The following TAF15 variants were observed in gnomAD, a reference collection of about 807,000 sequenced individuals.
The protein encoded by TAF15 is TATA-binding protein-associated factor 2N.
In TAF15, 37 loss-of-function variants were observed where a neutral mutation model predicts 102.5. The ratio of observed to expected loss-of-function variants is 0.36; its 90% CI spans 0.28 to 0.47. The LOEUF (loss-of-function observed/expected upper bound fraction) is 0.47, where lower values mean the gene tolerates loss of function less well. Ranked by LOEUF, TAF15 falls within the 20% of genes least tolerant of loss-of-function variation. TAF15 has a pLI of 0.99. For synonymous variants in TAF15, 273 were observed against 259.2 expected (o/e 1.05, Z -0.51); for missense variants, 652 against 760.7 (o/e 0.86, Z 1.68).
In TAF15 at chr17:35,822,344, C is replaced by CAA. The variant is rs909362495; in HGVS notation, c.291-279_291-278dup. 2.2e-3 allele frequency among the ~76,000 whole-genome samples: 147 copies of CAA among 67,484 alleles called. 1 individual carries two copies. Among genetic ancestry groups the CAA allele is most frequent in the African/African-American group, 6.0e-3 (126 of 20,990 alleles). The allele number at this position is 67,484 out of a possible 152,430, so 44.3% of individuals were successfully genotyped here. ...GGGCAACAAGAGTGAACCTCTGTCTCAAAAAAAAAAAAAAAAAAGTTCAAG... is the reference window on the plus strand; with the variant it reads ...GGGCAACAAGAGTGAACCTCTGTCTCAAAAAAAAAAAAAAAAAAAAGTTCAAG... On this transcript the variant is annotated intron_variant, in intron 5 of 15. Coordinates refer to ENST00000605844, the MANE Select transcript of TAF15 (RefSeq NM_139215.3).
At chr17:35,832,193 T>C (rs550774930) in intron 7 of TAF15, among the ~76,000 whole-genome samples, 9 of 152,348 alleles carry the variant, frequency 5.9e-5, no homozygotes, top group South Asian at 2.1e-4. Flanking sequence ...GGCAGTGATA[T>C]ACATGTCATT....
chr17:35,826,639 C>A (rs2087332161), intron 7 of TAF15, among the ~76,000 whole-genome samples: 1 of 151,016 alleles, frequency 6.6e-6, no homozygotes, highest in South Asian at 2.1e-4. Context: ...TTTACTGCAA[C>A]CTCCACCTCC....
intron 10 of TAF15, among the ~76,000 whole-genome samples, chr17:35,838,087 G>A (rs1343739683): frequency 6.6e-6 from 1 of 152,100 alleles, no homozygotes; most frequent in Non-Finnish European, 1.5e-5. Context: ...GGAGGCTGAG[G>A]TGGGAGGATC....
At chr17:35,842,970 C>G (rs1047445633) in intron 12 of TAF15, among the ~76,000 whole-genome samples, 8 of 151,930 alleles carry the variant, frequency 5.3e-5, no homozygotes, top group African/African-American at 1.7e-4. Context: ...ACCTCATGAT[C>G]CAGCCACCTT....
chr17:35,846,552 G>T (rs187080480), intron 15 of TAF15, among the ~76,000 whole-genome samples: 3 of 152,254 alleles, frequency 2.0e-5, no homozygotes, highest in Non-Finnish European at 2.9e-5. Context: ...ATAGTAAGTG[G>T]CAGATCCAGA....
intron 7 of TAF15, among the ~76,000 whole-genome samples, chr17:35,829,471 AAAT>A (rs1203250042): frequency 6.6e-6 from 1 of 151,138 alleles, no homozygotes; most frequent in African/African-American, 2.4e-5. Flanking sequence ...TCTCTACTAA[AAAT>A]ACAAAAAATT....
At chr17:35,840,735 G>A (rs190182292) in intron 11 of TAF15, among the ~76,000 whole-genome samples, 58 of 151,996 alleles carry the variant, frequency 3.8e-4, no homozygotes, top group Admixed American at 2.6e-3. Context: ...GCGGTGGTGA[G>A]CACCTGTAAT....
chr17:35,820,047 G>A lies in TAF15; in HGVS notation c.71G>A (p.Gly24Asp). Residue 24 changes from glycine (G) to aspartate (D), a missense_variant, in exon 3 of 16, where the codon GGC becomes GAC. Physicochemically the swap from Gly to Asp is moderately conservative, Grantham distance 94 (BLOSUM62 -1). This residue lies in a region of TAF15 where 243 missense variants were observed against 284.1 expected (regional missense o/e 0.86). Transcript: ENST00000605844. ...AGTTATTCTACCTATGGAAATCCAGGCAGCCAAGGCTATGGACAAGCATCA... is the reference window on the plus strand; with the variant it reads ...AGTTATTCTACCTATGGAAATCCAGACAGCCAAGGCTATGGACAAGCATCA... ...QQSYSTYGNP[G>D]SQGYGQASQS... The A allele has an allele frequency of 1.2e-6, 2 of 1,613,916 alleles. No homozygotes were observed. The highest frequency in any genetic ancestry group is 1.1e-5 in the South Asian group (1 of 91,058).
rs2087577030 is a variant in TAF15 at position 35,843,881 on chromosome 17, A to G, written c.1007-196A>G. Among the ~76,000 whole-genome samples the G allele has an allele frequency of 2.0e-5, 3 of 152,208 alleles. No homozygotes were observed. In the South Asian group the frequency reaches 6.2e-4, roughly 31 times the overall value. On this transcript the variant is annotated intron_variant, in intron 12 of 15. Transcript: ENST00000605844. ...ATTATTTGCACTGTGTTGTGTGCCT[A>G]GGGTCTGTTTTCAAGGTCCTCTGTT... is the stretch of plus-strand genomic sequence containing the variant.
At chr17:35,840,461 C>T (rs1175012354) in intron 11 of TAF15, among the ~76,000 whole-genome samples, 12 of 150,660 alleles carry the variant, frequency 8.0e-5, no homozygotes, top group Admixed American at 7.9e-4. Context: ...ACTGTGTTAG[C>T]CAGGATGGTC....
intron 11 of TAF15, among the ~76,000 whole-genome samples, chr17:35,840,732 T>G (rs1251365757): frequency 6.6e-6 from 1 of 151,816 alleles, no homozygotes; most frequent in East Asian, 2.0e-4. Context: ...GGCGCGGTGG[T>G]GAGCACCTGT....
chr17:35,834,740 CTTTTTTTTTTTT>C (rs533058888), intron 9 of TAF15, 142 bp downstream of exon 9: 4 of 236,412 alleles, frequency 1.7e-5, no homozygotes, highest in East Asian at 1.2e-4. Context: ...AGCTTTATTT[CTTTTTTTTTTTT>C]TTTTTTTTTT....
At chr17:35,820,281 A>G in intron 4 of TAF15, 33 bp downstream of exon 4, 1 of 1,613,832 alleles carries the variant, frequency 6.2e-7, no homozygotes, top group Non-Finnish European at 8.5e-7. Context: ...GTTGTTTCAG[A>G]GATTGAAAAA....
Position 35,841,406 on chromosome 17 carries a change from C to T in TAF15, c.914-961C>T, listed in dbSNP as rs181583316. The stretch of plus-strand genomic sequence containing the variant: ...ATATTCTACAGCTGGCTTTTTTTCC[C>T]ATGTAAAAATATTAGATACAGGTTT... On this transcript the variant is annotated intron_variant, in intron 11 of 15. Coordinates refer to ENST00000605844, the MANE Select transcript of TAF15 (RefSeq NM_139215.3). Among the ~76,000 whole-genome samples the T allele has an allele frequency of 2.9e-3, 443 of 152,098 alleles. 1 individual carries two copies. Among genetic ancestry groups the T allele is most frequent in the Non-Finnish European group, 3.8e-3 (255 of 67,978 alleles).
rs1048679642 is a variant in TAF15, at chr17:35,820,029, C to G, written c.53C>G (p.Ser18Cys). ...ATTAAATTTTTCTTTTGCAGTTATTCTACCTATGGAAATCCAGGCAGCCAA... is the reference window on the plus strand; with the variant it reads ...ATTAAATTTTTCTTTTGCAGTTATTGTACCTATGGAAATCCAGGCAGCCAA... ...GQSGGEQQSY[S>C]TYGNPGSQGY... The change falls in exon 3 of 16, where the codon TCT becomes TGT. Residue 18 changes from serine (S) to cysteine (C), a missense_variant. By Grantham distance (112) the Ser-to-Cys change is moderately radical (BLOSUM62 -1). This residue lies in a region of TAF15 where 243 missense variants were observed against 284.1 expected (regional missense o/e 0.86). Coordinates refer to ENST00000605844, the MANE Select transcript of TAF15 (RefSeq NM_139215.3). 3 of 1,613,868 alleles carry G rather than the reference C, an allele frequency of 1.9e-6. No individual in the cohort carries two copies. Among genetic ancestry groups the G allele is most frequent in the Non-Finnish European group, 2.5e-6 (3 of 1,179,854 alleles).
At chr17:35,845,871 T>G (rs192905050) in intron 15 of TAF15, among the ~76,000 whole-genome samples, 34 of 152,364 alleles carry the variant, frequency 2.2e-4, no homozygotes, top group African/African-American at 7.9e-4. Flanking sequence ...TAATTGAGAT[T>G]GAGAGATAAT....
intron 7 of TAF15, among the ~76,000 whole-genome samples, chr17:35,831,852 G>A (rs909530183): frequency 1.3e-5 from 2 of 152,064 alleles, no homozygotes; most frequent in African/African-American, 4.8e-5. Context: ...GGAGCCTGAG[G>A]CGGGCAGATC....
intron 1 of TAF15, chr17:35,810,624 G>A (rs1478652459): frequency 6.6e-6 from 1 of 152,192 alleles, no homozygotes; most frequent in African/African-American, 2.4e-5. Flanking sequence ...AACATTTCCT[G>A]AAACCGTGTG....
Position 35,829,147 on chromosome 17 carries a change from AGTC to A in TAF15, c.606-4759_606-4757del, listed in dbSNP as rs1450474892. ...CAGAAAATTGTATTCTGGATTTAGT[AGTC>A]TGAAAACCCAAGCACAGCATGGGTT... On this transcript the variant is annotated intron_variant, in intron 7 of 15. Transcript: ENST00000605844. Among the ~76,000 whole-genome samples, 3 of 152,164 alleles carry A rather than the reference AGTC, an allele frequency of 2.0e-5. No individual in the cohort carries two copies. In the East Asian group the frequency reaches 5.8e-4, roughly 29 times the overall value.
Sources: allele counts gnomAD v4.1 joint callset (sites outside exome capture counted in the v4.1 genomes callset), GRCh38; gene constraint gnomAD v4.1.1; regional missense constraint gnomAD v4.1.1; transcripts MANE v1.5; gene names NCBI Gene and HGNC (gene_info 2026-07-23, HGNC 2026-07-21).